Variants in CES5A observed in about 807,000 individuals in gnomAD.
CES5A encodes the protein carboxylesterase 5.
Under a neutral mutation model 62.9 loss-of-function variants are expected in CES5A, and 67 were observed. That is an observed-to-expected ratio of 1.07 (90% CI 0.88 to 1.31). CES5A has a LOEUF of 1.31. CES5A is among the 50% of genes most tolerant of loss of function. The probability of loss-of-function intolerance (pLI) is 0.00; values close to 1 mark genes in which losing one functional copy is unlikely to be tolerated. For missense variants in CES5A, 748 were observed against 708.5 expected (o/e 1.06, Z -0.63); for synonymous variants, 296 against 280.8 (o/e 1.05, Z -0.54).
chr16:55,881,895 G>A (rs1013972339), intron 1 of CES5A, among the ~76,000 whole-genome samples: 1 of 152,160 alleles, frequency 6.6e-6, no homozygotes, highest in Non-Finnish European at 1.5e-5. Context: ...AGGTAAGGTG[G>A]AAATAATTAC....
chr16:55,943,139 C>G (rs74019339), intron 2 of CES5A, among the ~76,000 whole-genome samples: 1 of 152,108 alleles, frequency 6.6e-6, no homozygotes, highest in Non-Finnish European at 1.5e-5. Flanking sequence ...TTTAGAGTTG[C>G]GCATTTCTAT....
intron 2 of CES5A, among the ~76,000 whole-genome samples, chr16:55,935,285 A>G (rs949336155): frequency 1.3e-4 from 20 of 152,262 alleles, no homozygotes; most frequent in Non-Finnish European, 1.8e-4. Flanking sequence ...GAATAAAAAA[A>G]GATATCCCAG....
chr16:55,906,044 AGAAAGTGACAGACAG>A (rs1334522223), intron 1 of CES5A, among the ~76,000 whole-genome samples: 1 of 152,154 alleles, frequency 6.6e-6, no homozygotes. Context: ...CCACAGAGAG[AGAAAGTGACAGACAG>A]GATTTGAATT....
intron 1 of CES5A, among the ~76,000 whole-genome samples, chr16:55,911,630 T>G (rs1469754483): frequency 6.6e-6 from 1 of 152,254 alleles, no homozygotes; most frequent in Admixed American, 6.5e-5. Context: ...AACCCAGATC[T>G]GGCTTATGGG....
At chr16:55,950,996 G>T (rs1567367768) in intron 1 of CES5A, among the ~76,000 whole-genome samples, 1 of 151,046 alleles carries the variant, frequency 6.6e-6, no homozygotes, top group East Asian at 2.0e-4. Flanking sequence ...CAGCTACTCA[G>T]GAGGCTGAGG....
intron 10 of CES5A, among the ~76,000 whole-genome samples, chr16:55,852,617 A>G (rs1224731639): frequency 1.3e-5 from 2 of 152,242 alleles, no homozygotes; most frequent in African/African-American, 4.8e-5. Flanking sequence ...GATGGCGCCC[A>G]GAAAATTATA....
chr16:55,861,316 T>C (rs2142397119), intron 7 of CES5A, 96 bp downstream of exon 7: 1 of 697,920 alleles, frequency 1.4e-6, no homozygotes, highest in Non-Finnish European at 2.5e-6. Flanking sequence ...CTCTTTTCTA[T>C]GTTCCAAATT....
At chr16:55,938,797 T>TAC (rs1205048784) in intron 2 of CES5A, among the ~76,000 whole-genome samples, 93 of 51,018 alleles carry the variant, frequency 1.8e-3, no homozygotes, top group East Asian at 3.0e-3. Flanking sequence ...TATATATATA[T>TAC]ACACACATAT....
upstream of CES5A, among the ~76,000 whole-genome samples, chr16:55,925,649 T>G (rs1252160280): frequency 6.6e-6 from 1 of 152,132 alleles, no homozygotes; most frequent in Admixed American, 6.6e-5. Context: ...AAAGAAAATG[T>G]GATATATACA....
chr16:55,931,739 G>T (rs561575631), intron 2 of CES5A, among the ~76,000 whole-genome samples: 3 of 152,158 alleles, frequency 2.0e-5, no homozygotes, highest in African/African-American at 7.2e-5. Flanking sequence ...AGGTTAGATT[G>T]GGTTGCAAAC....
At chr16:55,916,144 G>T (rs1204187559) in intron 1 of CES5A, among the ~76,000 whole-genome samples, 2 of 152,132 alleles carry the variant, frequency 1.3e-5, no homozygotes, top group Non-Finnish European at 2.9e-5. Context: ...GTCAGGGCAG[G>T]TCCAGGTACA....
At chr16:55,932,575 G>A (rs2034326511) in intron 2 of CES5A, among the ~76,000 whole-genome samples, 1 of 134,322 alleles carries the variant, frequency 7.4e-6, no homozygotes, top group Non-Finnish European at 1.6e-5. Flanking sequence ...GGGGAGGGTG[G>A]GCAACTCTGG....
chr16:55,949,830 A>T, exon 2 of CES5A: 2 of 1,524,728 alleles, frequency 1.3e-6, no homozygotes, highest in African/African-American at 2.7e-5. Flanking sequence ...CTCAATACAT[A>T]CAAAGTTGAG....
intron 1 of CES5A, among the ~76,000 whole-genome samples, chr16:55,913,103 C>G (rs1446639698): frequency 6.6e-6 from 1 of 152,140 alleles, no homozygotes; most frequent in African/African-American, 2.4e-5. Context: ...TCAGTTTCCC[C>G]GAGCATTCAG....
At chr16:55,906,748 C>T (rs748444401) in intron 1 of CES5A, among the ~76,000 whole-genome samples, 15 of 152,144 alleles carry the variant, frequency 9.9e-5, no homozygotes, top group Non-Finnish European at 1.6e-4. Flanking sequence ...ACCTTGCAGG[C>T]AGGTCTTATG....
At chr16:55,898,867 T>C (rs1407323727) in intron 1 of CES5A, among the ~76,000 whole-genome samples, 2 of 152,024 alleles carry the variant, frequency 1.3e-5, no homozygotes, top group Non-Finnish European at 2.9e-5. Context: ...CAGAGACCAC[T>C]GTGTGTCTGG....
intron 1 of CES5A, among the ~76,000 whole-genome samples, chr16:55,917,404 A>G (rs2034157867): frequency 6.6e-6 from 1 of 152,214 alleles, no homozygotes; most frequent in South Asian, 2.1e-4. Context: ...TCATAAGATT[A>G]TGGTCATGCT....
chr16:55,851,540 A>G (rs1293483269), intron 10 of CES5A, among the ~76,000 whole-genome samples: 1 of 152,236 alleles, frequency 6.6e-6, no homozygotes, highest in Non-Finnish European at 1.5e-5. Flanking sequence ...CCCCTTGTGC[A>G]TTGCTGGTAG....
intron 1 of CES5A, among the ~76,000 whole-genome samples, chr16:55,915,234 T>C (rs939158583): frequency 1.3e-5 from 2 of 152,192 alleles, no homozygotes; most frequent in Non-Finnish European, 2.9e-5. Flanking sequence ...CCCAATGAAT[T>C]ACATTTTAAT....
Sources: gnomAD v4.1 joint callset for allele counts (sites outside exome capture counted in the v4.1 genomes callset) on GRCh38, gnomAD v4.1.1 for gene constraint, MANE v1.5 for transcripts, NCBI Gene and HGNC (gene_info 2026-07-23, HGNC 2026-07-21) for gene names.